Variants in MEAK7 observed in about 807,000 individuals in gnomAD.
The protein encoded by MEAK7 is MTOR-associated protein MEAK7.
A neutral mutation model predicts 40.5 loss-of-function variants in MEAK7; 68 were observed. The observed-to-expected ratio is 1.68, with a 90% CI of 1.38 to 2.06. The LOEUF is 2.06. MEAK7 is among the 30% of genes most tolerant of loss of function. MEAK7 has a pLI of 0.00. For synonymous variants in MEAK7, 338 were observed against 231.9 expected, an observed-to-expected ratio of 1.46 and a Z score of -4.16; for missense variants, 918 against 580.5, an observed-to-expected ratio of 1.58 and a Z score of -5.98.
intron 1 of MEAK7, among the ~76,000 whole-genome samples, chr16:84,499,693 C>T (rs888505607): frequency 2.6e-5 from 4 of 152,172 alleles, no homozygotes; most frequent in African/African-American, 7.2e-5. Flanking sequence ...GGCCATCACC[C>T]GTCTACTTTC....
chr16:84,492,009 A>G (rs977562633), intron 3 of MEAK7, among the ~76,000 whole-genome samples: 1 of 152,178 alleles, frequency 6.6e-6, no homozygotes, highest in African/African-American at 2.4e-5. Context: ...TTCAACACTG[A>G]AAACAATTAA....
Position 84,497,871 on chromosome 16 carries a change from G to A in MEAK7, c.153+63C>T. 3.7e-6 allele frequency: 6 copies of A among 1,603,638 alleles called. No individual in the cohort carries two copies. In the Admixed American group the frequency reaches 8.5e-5, roughly 23 times the overall value. ...AAAACACGAAAGCAGATTCTGGCCT[G>A]AAAGCCACAGTTTGCAGACCCCTGC... On this transcript the variant is annotated intron_variant, in intron 2 of 7. Transcript: ENST00000343629.
intron 2 of MEAK7, 42 bp from the exon 3 acceptor site, chr16:84,495,955 A>C (rs749796573): frequency 6.3e-7 from 1 of 1,599,904 alleles, no homozygotes; most frequent in African/African-American, 1.3e-5. Context: ...ACAGTGCACA[A>C]GTTGAACTTG....
intron 7 of MEAK7, 123 bp from the exon 8 acceptor site, chr16:84,480,149 A>C: frequency 1.3e-6 from 1 of 743,162 alleles, no homozygotes; most frequent in Non-Finnish European, 2.1e-6. Flanking sequence ...GGCCCCTCCC[A>C]CTCTGGGATT....
chr16:84,488,053 T>C (rs1913248347), intron 4 of MEAK7: 1 of 152,236 alleles, frequency 6.6e-6, no homozygotes, highest in Non-Finnish European at 1.5e-5. Context: ...TCCCAACTTC[T>C]GATAATTCAA....
intron 5 of MEAK7, among the ~76,000 whole-genome samples, chr16:84,484,265 T>C (rs1384713624): frequency 1.3e-5 from 2 of 152,192 alleles, no homozygotes; most frequent in Admixed American, 1.3e-4. Flanking sequence ...GAGTTATGAT[T>C]ATCTGTGGAA....
chr16:84,493,070 T>C (rs1002774139), intron 3 of MEAK7, among the ~76,000 whole-genome samples: 3 of 152,234 alleles, frequency 2.0e-5, no homozygotes, highest in Non-Finnish European at 4.4e-5. Context: ...TGTTTAACCA[T>C]CTTTGGACCA....
rs958800393 is a variant in MEAK7, at chr16:84,486,657, G to A, written c.932C>T (p.Ser311Phe). 6.8e-6 allele frequency: 11 copies of A among 1,611,462 alleles called. No homozygotes were observed. Among genetic ancestry groups the A allele is most frequent in the Non-Finnish European group, 9.3e-6 (11 of 1,178,912 alleles). ...TTGAAACTGAGGCTTCACCTCCCAA[G>A]AGCAAGAGGCAAACCCACCGAACAC... is the stretch of plus-strand genomic sequence containing the variant. ...KHVFGGFASC[S>F]WEVKPQFQGD... is the part of the protein sequence containing the mutation. Residue 311 changes from serine to phenylalanine, a missense_variant, in exon 5 of 8, where the codon TCT (serine) becomes TTT (phenylalanine). Transcript: ENST00000343629.
chr16:84,495,261 T>G lies in MEAK7; in HGVS notation c.384+422A>C, dbSNP rs533224269. On this transcript the variant is annotated intron_variant, in intron 3 of 7. Coordinates refer to ENST00000343629, the MANE Select transcript of MEAK7 (RefSeq NM_020947.4). Reference sequence around the variant, plus strand: ...TCCAGCCTGGGTGACAGATCAAGACTCCATTTCAAAAAATAAATAAATAAA... The same window carrying G: ...TCCAGCCTGGGTGACAGATCAAGACGCCATTTCAAAAAATAAATAAATAAA... 3.0e-3 allele frequency among the ~76,000 whole-genome samples: 461 copies of G among 152,264 alleles called. 3 individuals carry two copies. The highest frequency in any genetic ancestry group is 0.011 in the African/African-American group (440 of 41,548).
chr16:84,487,751 A>G (rs113369109), intron 4 of MEAK7: 10 of 152,346 alleles, frequency 6.6e-5, no homozygotes, highest in African/African-American at 2.4e-4. Flanking sequence ...GCGTGGGAGC[A>G]CACACCTGGG....
Position 84,489,147 on chromosome 16 carries a change from G to C in MEAK7, c.529+131C>G, listed in dbSNP as rs1202111006. 10 of 1,211,022 alleles carry C rather than the reference G, an allele frequency of 8.3e-6. No individual in the cohort carries two copies. The East Asian group carries it at 1.7e-4, about 21-fold the overall frequency. The allele number at this position is 1,211,022 out of a possible 1,614,324, so 75.0% of individuals were successfully genotyped here. A position where few individuals can be genotyped will look rare whatever the true frequency, so the allele number is the denominator to read the frequency against. ...TATTTTAAAATATGCCAACAAACTA[G>C]AAAACCTAGAAGAAGGTTCGAGGGC... On this transcript the variant is annotated intron_variant, in intron 4 of 7. Coordinates refer to ENST00000343629, the MANE Select transcript of MEAK7 (RefSeq NM_020947.4).
intron 5 of MEAK7, among the ~76,000 whole-genome samples, chr16:84,485,206 C>A (rs529755328): frequency 6.6e-6 from 1 of 152,296 alleles, no homozygotes; most frequent in East Asian, 1.9e-4. Context: ...TCTAGAAAGG[C>A]CCACCTGCAG....
chr16:84,496,616 G>C (rs955701745), intron 2 of MEAK7, among the ~76,000 whole-genome samples: 1 of 152,080 alleles, frequency 6.6e-6, no homozygotes, highest in Admixed American at 6.5e-5. Context: ...ATAAGTAGGG[G>C]GCCCAGACCA....
At chr16:84,503,188 A>G (rs1184951435) in intron 1 of MEAK7, among the ~76,000 whole-genome samples, 1 of 123,406 alleles carries the variant, frequency 8.1e-6, no homozygotes, top group Non-Finnish European at 1.7e-5. Flanking sequence ...TGATAAGTGC[A>G]TATATCTACA....
chr16:84,483,397 A>C (rs1377281704), intron 5 of MEAK7, among the ~76,000 whole-genome samples: 1 of 152,230 alleles, frequency 6.6e-6, no homozygotes, highest in Non-Finnish European at 1.5e-5. Flanking sequence ...AGCGAGGGAC[A>C]CTTCCCACCA....
chr16:84,478,242 C>T lies in MEAK7; in HGVS notation c.*1671G>A, dbSNP rs982974595. 7 of 152,142 alleles carry T rather than the reference C, an allele frequency of 4.6e-5. No individual in the cohort carries two copies. Among genetic ancestry groups the T allele is most frequent in the Non-Finnish European group, 8.8e-5 (6 of 68,034 alleles). The allele number at this position is 152,142 out of a possible 1,614,324, so 9.4% of individuals were successfully genotyped here. ...GAAGCTCACAATGTTCCCCATAAGC[C>T]ATTACAAACTGGCTAAGGAAAATCA... On this transcript the variant is annotated 3_prime_UTR_variant, in exon 8 of 8. Coordinates refer to ENST00000343629, the MANE Select transcript of MEAK7 (RefSeq NM_020947.4).
At chr16:84,483,805 G>C (rs577156633) in intron 5 of MEAK7, among the ~76,000 whole-genome samples, 4 of 152,218 alleles carry the variant, frequency 2.6e-5, no homozygotes, top group African/African-American at 9.7e-5. Context: ...AGTCCCCATG[G>C]AGAAGGGATC....
chr16:84,484,050 C>T (rs923193829), intron 5 of MEAK7, among the ~76,000 whole-genome samples: 1 of 152,200 alleles, frequency 6.6e-6, no homozygotes, highest in Admixed American at 6.5e-5. Flanking sequence ...GCCCCCGCCC[C>T]GCTCTCCCCG....
chr16:84,498,905 T>G (rs1204700687), intron 1 of MEAK7, among the ~76,000 whole-genome samples: 1 of 152,238 alleles, frequency 6.6e-6, no homozygotes, highest in South Asian at 2.1e-4. Flanking sequence ...CTCCTAGCTG[T>G]GTAGTCTTGG....
Sources: gnomAD v4.1 joint callset for allele counts (sites outside exome capture counted in the v4.1 genomes callset) on GRCh38, gnomAD v4.1.1 for gene constraint, MANE v1.5 for transcripts, NCBI Gene and HGNC (gene_info 2026-07-23, HGNC 2026-07-21) for gene names.